Variants in C11orf65 observed in about 807,000 individuals in gnomAD.
C11orf65 encodes chromosome 11 open reading frame 65.
C11orf65 carries 38 observed loss-of-function variants against 35.3 expected under a neutral mutation model. The observed-to-expected ratio is 1.08, with a 90% confidence interval of 0.83 to 1.41. C11orf65 has a LOEUF of 1.41. Ranked by LOEUF, C11orf65 falls within the 40% of genes most tolerant of loss-of-function variation. The pLI, the probability that C11orf65 is intolerant of heterozygous loss-of-function variation, is 0.00. For missense variants in C11orf65, 370 were observed against 367.1 expected (o/e 1.01, Z -0.06); for synonymous variants, 105 against 114.4 (o/e 0.92, Z 0.53).
chr11:108,412,256 C>T (rs564467099), intron 3 of C11orf65, among the ~76,000 whole-genome samples: 6 of 151,102 alleles, frequency 4.0e-5, no homozygotes, highest in South Asian at 2.1e-4. Flanking sequence ...CACATGAAAT[C>T]GTATAAAATG....
chr11:108,433,322 A>T (rs1449003537), intron 2 of C11orf65, among the ~76,000 whole-genome samples: 1 of 151,308 alleles, frequency 6.6e-6, no homozygotes, highest in African/African-American at 2.4e-5. Flanking sequence ...TCACGCCTAT[A>T]ATCCCAGCAC....
chr11:108,415,230 G>T (rs1015754952), intron 3 of C11orf65, among the ~76,000 whole-genome samples: 41 of 152,122 alleles, frequency 2.7e-4, no homozygotes, highest in African/African-American at 9.9e-4. Flanking sequence ...TTTGTTCTCA[G>T]ATGACATGAT....
At chr11:108,317,652 T>TATATATACACACACACACACAC (rs1399501257) in intron 6 of C11orf65, 4 of 117,466 alleles carry the variant, frequency 3.4e-5, no homozygotes, top group South Asian at 2.9e-4. Flanking sequence ...TATATATATA[T>TATATATACACACACACACACAC]ACACACACAC....
chr11:108,399,625 T>G (rs1336302153), intron 6 of C11orf65, among the ~76,000 whole-genome samples: 1 of 152,184 alleles, frequency 6.6e-6, no homozygotes, highest in Non-Finnish European at 1.5e-5. Flanking sequence ...GTGGAGGCAA[T>G]GCAGCGTAAG....
At chr11:108,358,129 C>T (rs954117393) in intron 2 of C11orf65, among the ~76,000 whole-genome samples, 11 of 151,130 alleles carry the variant, frequency 7.3e-5, no homozygotes, top group Admixed American at 2.0e-4. Context: ...AATCAAGGCT[C>T]GAGAACTATG....
At chr11:108,459,770 C>CACACACACACACACAT (rs3221698) in intron 2 of C11orf65, among the ~76,000 whole-genome samples, 1 of 140,506 alleles carries the variant, frequency 7.1e-6, no homozygotes, top group Admixed American at 7.4e-5. Context: ...CACACACACA[C>CACACACACACACACAT]CTCTTTATTT....
intron 6 of C11orf65, among the ~76,000 whole-genome samples, chr11:108,402,211 C>G (rs2092451713): frequency 6.6e-6 from 1 of 152,136 alleles, no homozygotes; most frequent in Admixed American, 6.5e-5. Context: ...TGTGCCAGTG[C>G]AGTCACTGAA....
At chr11:108,371,152 C>T (rs948976497) in intron 2 of C11orf65, among the ~76,000 whole-genome samples, 5 of 152,148 alleles carry the variant, frequency 3.3e-5, no homozygotes, top group African/African-American at 1.2e-4. Flanking sequence ...GAGAAGTGGT[C>T]ATGATCTTGC....
chr11:108,467,108 T>C (rs963888169), intron 1 of C11orf65, among the ~76,000 whole-genome samples: 6 of 152,168 alleles, frequency 3.9e-5, no homozygotes, highest in African/African-American at 9.6e-5. Context: ...GATTAATGTG[T>C]ACTTCCCGGT....
chr11:108,422,161 C>T (rs2092828013), intron 3 of C11orf65, among the ~76,000 whole-genome samples: 1 of 152,174 alleles, frequency 6.6e-6, no homozygotes, highest in South Asian at 2.1e-4. Flanking sequence ...AACTCCTGAC[C>T]TCATGATCCG....
At chr11:108,335,239 A>G (rs1478325930) in exon 3 of C11orf65, 1 of 1,548,674 alleles carries the variant, frequency 6.5e-7, no homozygotes, top group East Asian at 2.4e-5. Context: ...AGATTTGTAG[A>G]GTAGAAATGC....
At chr11:108,352,979 A>C (rs1335465116) in intron 2 of C11orf65, among the ~76,000 whole-genome samples, 1 of 152,106 alleles carries the variant, frequency 6.6e-6, no homozygotes, top group African/African-American at 2.4e-5. Context: ...GGGCAGTATG[A>C]AGGATCCTTA....
At chr11:108,447,126 C>G (rs1402024054) in intron 2 of C11orf65, among the ~76,000 whole-genome samples, 1 of 151,884 alleles carries the variant, frequency 6.6e-6, no homozygotes, top group African/African-American at 2.4e-5. Flanking sequence ...CACCAAGATT[C>G]ATAAAGCAAG....
intron 2 of C11orf65, among the ~76,000 whole-genome samples, chr11:108,460,759 G>A (rs1294435204): frequency 6.6e-6 from 1 of 152,048 alleles, no homozygotes; most frequent in Non-Finnish European, 1.5e-5. Context: ...TGTTGCTGCT[G>A]CTGCTGCCCA....
intron 6 of C11orf65, among the ~76,000 whole-genome samples, chr11:108,404,138 T>C (rs1405171565): frequency 6.6e-6 from 1 of 152,152 alleles, no homozygotes; most frequent in Non-Finnish European, 1.5e-5. Flanking sequence ...CATCTATAGA[T>C]CTATACTTCT....
intron 6 of C11orf65, among the ~76,000 whole-genome samples, chr11:108,401,373 C>A (rs923612290): frequency 6.6e-6 from 1 of 152,010 alleles, no homozygotes; most frequent in South Asian, 2.1e-4. Context: ...AAACCCAACT[C>A]CCCCTAAGAA....
rs775112137 is a variant in C11orf65, at chr11:108,365,220, T to A, written c.226+27988A>T. 2 of 1,614,206 alleles carry A rather than the reference T, an allele frequency of 1.2e-6. No homozygotes were observed. The highest frequency in any genetic ancestry group is 2.2e-5 in the South Asian group (2 of 91,088). ...CCAAGAATGCAAACGAAATCTCAGG[T>A]GAGCAGTATTTTAAGAAGGTCCTGT... On this transcript the variant is annotated intron_variant, in intron 2 of 3. Transcript: ENST00000524755.
At chr11:108,438,475 T>C (rs2093100067) in intron 2 of C11orf65, among the ~76,000 whole-genome samples, 1 of 150,588 alleles carries the variant, frequency 6.6e-6, no homozygotes, top group South Asian at 2.1e-4. Context: ...CCCTCAAACC[T>C]GGGAGGCGGA....
chr11:108,332,666 G>T (rs2136551933), intron 3 of C11orf65: 1 of 1,291,650 alleles, frequency 7.7e-7, no homozygotes, highest in Admixed American at 2.0e-5. Context: ...GTCTAGATTT[G>T]TGCATAAATT....
Sources: allele counts gnomAD v4.1 joint callset (sites outside exome capture counted in the v4.1 genomes callset), GRCh38; gene constraint gnomAD v4.1.1; transcripts MANE v1.5; gene names NCBI Gene and HGNC (gene_info 2026-07-23, HGNC 2026-07-21).